The following ECI1 variants were observed in gnomAD, a reference collection of about 807,000 sequenced individuals.
ECI1 encodes enoyl-CoA delta isomerase 1, mitochondrial.
Under a neutral mutation model 34.2 loss-of-function variants are expected in ECI1, and 34 were observed. The observed-to-expected ratio is 1.00, with a 90% confidence interval of 0.76 to 1.33. The LOEUF is 1.33. Ranked by LOEUF, ECI1 falls within the 40% of genes most tolerant of loss-of-function variation. The probability of loss-of-function intolerance (pLI) is 0.00; values close to 1 mark genes in which losing one functional copy is unlikely to be tolerated. For missense variants in ECI1, 456 were observed against 422.2 expected (o/e 1.08, Z -0.70); for synonymous variants, 211 against 193.0 (o/e 1.09, Z -0.77).
At chr16:2,243,469 G>C in intron 4 of ECI1, 30 bp from the exon 5 acceptor site, 1 of 1,607,402 alleles carries the variant, frequency 6.2e-7, no homozygotes, top group Middle Eastern at 2.0e-4. Flanking sequence ...AGGGCTCTTA[G>C]GTGCTGCTGG....
intron 6 of ECI1, among the ~76,000 whole-genome samples, chr16:2,241,293 AT>A (rs1179290152): frequency 6.6e-6 from 1 of 152,114 alleles, no homozygotes; most frequent in African/African-American, 2.4e-5. Context: ...CCCTGAAGCT[AT>A]GAATAGTTTT....
chr16:2,239,782 C>T lies in ECI1; in HGVS notation c.*197G>A. 1 of 631,664 alleles carries T rather than the reference C, an allele frequency of 1.6e-6. No individual in the cohort carries two copies. The highest frequency in any genetic ancestry group is 2.8e-5 in the East Asian group (1 of 35,636). 39.1% of individuals were successfully genotyped at this position (631,664 alleles called of 1,614,324 possible). A position where few individuals can be genotyped will look rare whatever the true frequency, so the allele number is the denominator to read the frequency against. On this transcript the variant is annotated 3_prime_UTR_variant, in exon 7 of 7. Coordinates refer to ENST00000301729, the MANE Select transcript of ECI1 (RefSeq NM_001919.4). ...AAAGGCTGCCCTCCAACTCCCCTTG[C>T]CTGACGGGCACAGGCACCCATGTGT...
chr16:2,242,021 G>C (rs1258815099), intron 6 of ECI1, among the ~76,000 whole-genome samples: 1 of 152,052 alleles, frequency 6.6e-6, no homozygotes, highest in Non-Finnish European at 1.5e-5. Context: ...CGCCACACCT[G>C]GCTAATTTTT....
chr16:2,249,749 G>A (rs1742283819), intron 2 of ECI1, among the ~76,000 whole-genome samples: 1 of 151,288 alleles, frequency 6.6e-6, no homozygotes. Flanking sequence ...GTGGTGGCGG[G>A]CGCCTGTAGT....
intron 6 of ECI1, chr16:2,242,646 G>A (rs1463294483): frequency 3.8e-6 from 1 of 263,496 alleles, no homozygotes; most frequent in Non-Finnish European, 7.4e-6. Context: ...CATGGCAGGT[G>A]TCCTGAGAAG....
At chr16:2,240,329 A>G (rs1423422010) in intron 6 of ECI1, among the ~76,000 whole-genome samples, 184 bp from the exon 7 acceptor site, 2 of 151,928 alleles carry the variant, frequency 1.3e-5, no homozygotes, top group East Asian at 3.9e-4. Flanking sequence ...CTCCTGCCTC[A>G]GCCTCTTGAG....
chr16:2,249,716 CA>C (rs56139101), intron 2 of ECI1, among the ~76,000 whole-genome samples: 99 of 139,510 alleles, frequency 7.1e-4, no homozygotes, highest in Middle Eastern at 7.0e-3. Context: ...CTAAAAATAC[CA>C]AAAAAAAAAA....
rs1011953000 is a variant in ECI1 at position 2,243,131 on chromosome 16, C to G, written c.657G>C (p.Gln219His). ...GGACCACCTGGTCCACTATGCCCAC[C>G]TGCAGGGCCTCCGCCGGCGGGAAGA... ...GLLFPPAEAL[Q>H]VGIVDQVVPE... Residue 219 changes from glutamine to histidine, a missense_variant, in exon 6 of 7, where the codon CAG becomes CAC. Transcript: ENST00000301729. 6.2e-7 allele frequency: 1 copy of G among 1,606,544 alleles called. No homozygotes were observed. Among genetic ancestry groups the G allele is most frequent in the Non-Finnish European group, 8.5e-7 (1 of 1,179,808 alleles).
intron 6 of ECI1, 78 bp downstream of exon 6, chr16:2,242,968 G>A: frequency 8.7e-7 from 1 of 1,149,144 alleles, no homozygotes; most frequent in Non-Finnish European, 1.3e-6. Flanking sequence ...AAGTCACGAT[G>A]TCCACAGAAA....
At chr16:2,249,145 A>T (rs1414383310) in intron 2 of ECI1, among the ~76,000 whole-genome samples, 1 of 152,066 alleles carries the variant, frequency 6.6e-6, no homozygotes, top group African/African-American at 2.4e-5. Context: ...TCCGGGGTTC[A>T]CACCATTCTC....
intron 2 of ECI1, among the ~76,000 whole-genome samples, chr16:2,250,261 CAAA>C (rs560687371): frequency 0.026 from 1,775 of 67,656 alleles, 14 homozygotes; most frequent in Non-Finnish European, 0.038. Flanking sequence ...ACTACATCTC[CAAA>C]AAAAAAAAAA....
chr16:2,239,747 T>C lies in ECI1; in HGVS notation c.*232A>G, dbSNP rs2093523324. On this transcript the variant is annotated 3_prime_UTR_variant, in exon 7 of 7. Coordinates refer to ENST00000301729, the MANE Select transcript of ECI1 (RefSeq NM_001919.4). ...GAATGGCATCCCCTGCCAGTCACAA[T>C]CCCAAGTCAAAAGGCTGCCCTCCAA... 1.8e-6 allele frequency: 1 copy of C among 565,894 alleles called. No homozygotes were observed. Among genetic ancestry groups the C allele is most frequent in the Non-Finnish European group, 3.2e-6 (1 of 314,568 alleles). 35.1% of individuals were successfully genotyped at this position (565,894 alleles called of 1,614,324 possible). A position where few individuals can be genotyped will look rare whatever the true frequency, so the allele number is the denominator to read the frequency against.
At chr16:2,246,443 C>T (rs555111374) in intron 3 of ECI1, among the ~76,000 whole-genome samples, 7 of 152,268 alleles carry the variant, frequency 4.6e-5, no homozygotes, top group East Asian at 1.9e-4. Flanking sequence ...CTCCCTCACT[C>T]GCTGCCCACA....
intron 6 of ECI1, among the ~76,000 whole-genome samples, chr16:2,242,025 A>C (rs1210881844): frequency 2.0e-5 from 3 of 151,892 alleles, no homozygotes; most frequent in African/African-American, 7.3e-5. Flanking sequence ...ACACCTGGCT[A>C]ATTTTTGTAT....
chr16:2,244,524 A>T lies in ECI1; in HGVS notation c.323T>A (p.Leu108Gln), dbSNP rs1226872495. ...SDRPGVFSAG[L>Q]DLTEMCGRSP... The stretch of plus-strand genomic sequence containing the variant: ...CCTCCCACACATCTCCGTCAGGTCC[A>T]GGCCGGCCGAGAAGACACCCGGGCG... The change falls in exon 4 of 7, where the codon CTG becomes CAG. Residue 108 changes from leucine to glutamine, a missense_variant. Physicochemically the swap from Leu to Gln is moderately radical, Grantham distance 113 (BLOSUM62 -2). Coordinates refer to ENST00000301729, the MANE Select transcript of ECI1 (RefSeq NM_001919.4). 3 of 1,594,486 alleles carry T rather than the reference A, an allele frequency of 1.9e-6. No individual in the cohort carries two copies. The highest frequency in any genetic ancestry group is 2.6e-6 in the Non-Finnish European group (3 of 1,171,358).
intron 2 of ECI1, among the ~76,000 whole-genome samples, chr16:2,247,218 T>C (rs1310831779): frequency 1.3e-5 from 2 of 152,144 alleles, no homozygotes; most frequent in African/African-American, 4.8e-5. Flanking sequence ...TGCCTCAGCC[T>C]CCTGAGTAGC....
intron 3 of ECI1, among the ~76,000 whole-genome samples, chr16:2,246,206 C>T (rs563010611): frequency 2.0e-5 from 3 of 152,228 alleles, no homozygotes; most frequent in African/African-American, 4.8e-5. Context: ...ACACGCCTAG[C>T]GTTCGCCAGC....
chr16:2,247,012 G>A (rs1433561544), intron 2 of ECI1, 26 bp from the exon 3 acceptor site: 1 of 1,610,016 alleles, frequency 6.2e-7, no homozygotes, highest in Admixed American at 1.7e-5. Flanking sequence ...AGAAGAGAAA[G>A]CTCACACCTG....
intron 3 of ECI1, 135 bp downstream of exon 3, chr16:2,246,724 G>C: frequency 7.2e-7 from 1 of 1,392,608 alleles, no homozygotes; most frequent in South Asian, 1.2e-5. Context: ...TGGAGTCCAG[G>C]GTGGTGGGGC....
Sources: allele counts gnomAD v4.1 joint callset (sites outside exome capture counted in the v4.1 genomes callset), GRCh38; gene constraint gnomAD v4.1.1; transcripts MANE v1.5; gene names NCBI Gene and HGNC (gene_info 2026-07-23, HGNC 2026-07-21).